CEL: variants seen among roughly 807,000 people sequenced by gnomAD.
The protein encoded by CEL is bile salt-activated lipase.
A neutral mutation model predicts 57.1 loss-of-function variants in CEL; 39 were observed. The ratio of observed to expected loss-of-function variants is 0.68; its 90% CI spans 0.53 to 0.89. CEL has a LOEUF of 0.89. CEL is among the 40% of genes least tolerant of loss of function. CEL has a pLI of 0.00. For synonymous variants in CEL, 314 were observed against 396.6 expected (o/e 0.79, Z 2.48); for missense variants, 698 against 915.0 (o/e 0.76, Z 3.06).
chr9:133,067,109 C>T lies in CEL; in HGVS notation c.799C>T (p.Pro267Ser). ...CCAGGTGGCTGAGAAGGTGGGTTGC[C>T]CTGTGGGTGATGCCGCCAGGATGGC... ...AKKVAEKVGCPVGDAARMAQC... is the reference protein window; with the variant it reads ...AKKVAEKVGCSVGDAARMAQC... The change falls in exon 7 of 11, where the codon CCT becomes TCT. Residue 267 changes from proline to serine, a missense_variant. Physicochemically the swap from Pro to Ser is moderately conservative, Grantham distance 74. Around this residue, in one of 6 missense-constraint regions of CEL, gnomAD observed 327 missense variants for 374.1 expected, o/e 0.87. Transcript: ENST00000372080. 6.2e-7 allele frequency: 1 copy of T among 1,614,148 alleles called. No individual in the cohort carries two copies. Among genetic ancestry groups the T allele is most frequent in the South Asian group, 1.1e-5 (1 of 91,080 alleles).
rs969660912 is a variant in CEL, at chr9:133,066,371, C to T, written c.539-159C>T. Among the ~76,000 whole-genome samples the T allele has an allele frequency of 8.5e-5, 13 of 152,156 alleles. 1 individual carries two copies. The highest frequency in any genetic ancestry group is 2.0e-4 in the Admixed American group (3 of 15,284). ...GACCCACCCCCTCCAGCACCCTACCCGACCCAGCTTCTTAGGGACCCACCA... is the reference window on the plus strand; with the variant it reads ...GACCCACCCCCTCCAGCACCCTACCTGACCCAGCTTCTTAGGGACCCACCA... On this transcript the variant is annotated intron_variant, in intron 4 of 10. Transcript: ENST00000372080. The surrounding 1 kb of genome is among the most constrained non-coding windows in gnomAD (Gnocchi z 4.3).
rs555522239 is a variant in CEL at position 133,066,282 on chromosome 9, G to A, written c.539-248G>A. On this transcript the variant is annotated intron_variant, in intron 4 of 10. Coordinates refer to ENST00000372080, the MANE Select transcript of CEL (RefSeq NM_001807.6). This position sits in a 1 kb window ranked among gnomAD's most constrained non-coding sequence, Gnocchi z 4.3. Reference sequence around the variant, plus strand: ...CTGGGGACCCACCCCATACAGCACCGCACCCGACTCAGCCTCCTGGGGACC... The same window carrying A: ...CTGGGGACCCACCCCATACAGCACCACACCCGACTCAGCCTCCTGGGGACC... 2.7e-5 allele frequency among the ~76,000 whole-genome samples: 4 copies of A among 149,466 alleles called. No individual in the cohort carries two copies. Among genetic ancestry groups the A allele is most frequent in the African/African-American group, 5.0e-5 (2 of 40,298 alleles).
chr9:133,070,930 A>G (rs568431463), intron 10 of CEL, 57 bp from the exon 11 acceptor site: 3 of 1,588,702 alleles, frequency 1.9e-6, no homozygotes, highest in East Asian at 4.5e-5. Flanking sequence ...GGTGGAGAGC[A>G]GGGCTTCAGC....
At position 133,066,512 on chromosome 9, in the gene CEL, C is replaced by G. The variant is rs772396574; in HGVS notation, c.539-18C>G. On this transcript the variant is annotated intron_variant, in intron 4 of 10. Coordinates refer to ENST00000372080, the MANE Select transcript of CEL (RefSeq NM_001807.6). This position sits in a 1 kb window ranked among gnomAD's most constrained non-coding sequence, Gnocchi z 4.3. Reference sequence around the variant, plus strand: ...GGGCCACTGGTCTCTAGCACCCCCTCCCCTGCCCTGCCCCCAGGTAACTAT... The same window carrying G: ...GGGCCACTGGTCTCTAGCACCCCCTGCCCTGCCCTGCCCCCAGGTAACTAT... 1 of 1,613,832 alleles carries G rather than the reference C, an allele frequency of 6.2e-7. No homozygotes were observed.
rs770022400 is a variant in CEL, at chr9:133,066,490, C to A, written c.539-40C>A. The A allele has an allele frequency of 6.2e-7, 1 of 1,613,026 alleles. No individual in the cohort carries two copies. Among genetic ancestry groups the A allele is most frequent in the Non-Finnish European group, 8.5e-7 (1 of 1,179,752 alleles). On this transcript the variant is annotated intron_variant, in intron 4 of 10. Transcript: ENST00000372080. The surrounding 1 kb of genome is among the most constrained non-coding windows in gnomAD (Gnocchi z 4.3). ...TCCCCTCCTGGAGGCCAGGCCTGGG[C>A]CACTGGTCTCTAGCACCCCCTCCCC...
At position 133,066,631 on chromosome 9, in the gene CEL, T is replaced by C; in HGVS notation, c.640T>C (p.Ser214Pro). The C allele has an allele frequency of 6.2e-7, 1 of 1,612,990 alleles. No individual in the cohort carries two copies. The highest frequency in any genetic ancestry group is 8.5e-7 in the Non-Finnish European group (1 of 1,179,826). Residue 214 changes from serine to proline, a missense_variant, in exon 5 of 11, where the codon TCT becomes CCT. Coordinates refer to ENST00000372080, the MANE Select transcript of CEL (RefSeq NM_001807.6). The surrounding 1 kb of genome is among the most constrained non-coding windows in gnomAD (Gnocchi z 4.3). ...DPNNITLFGE[S>P]AGGASVSLQT... Reference sequence around the variant, plus strand: ...CAACAACATCACGCTCTTCGGGGAGTCTGCTGGAGGTGCCAGCGTCTCTCT... The same window carrying C: ...CAACAACATCACGCTCTTCGGGGAGCCTGCTGGAGGTGCCAGCGTCTCTCT...
rs537750823 is a variant in CEL at position 133,071,283 on chromosome 9, C to T, written c.1781C>T (p.Pro594Leu). 1.6e-5 allele frequency: 22 copies of T among 1,391,380 alleles called. No homozygotes were observed. In the African/African-American group the frequency reaches 1.9e-4, roughly 12 times the overall value. The allele number at this position is 1,391,380 out of a possible 1,614,324, so 86.2% of individuals were successfully genotyped here. ...PTGDSGAPPVPPTGDSGAPPV... is the reference protein window; with the variant it reads ...PTGDSGAPPVLPTGDSGAPPV... ...GGTGACTCCGGGGCCCCCCCCGTGC[C>T]GCCCACGGGTGACTCCGGGGCCCCC... The change falls in exon 11 of 11, where the codon CCG becomes CTG. Residue 594 changes from proline to leucine, a missense_variant. Pro to Leu is a moderately conservative substitution (Grantham distance 98). Around this residue, in one of 6 missense-constraint regions of CEL, gnomAD observed 238 missense variants for 213.7 expected, o/e 1.11. Transcript: ENST00000372080.
At chr9:133,068,402 C>A (rs555261401) in intron 7 of CEL, among the ~76,000 whole-genome samples, 1 of 152,224 alleles carries the variant, frequency 6.6e-6, no homozygotes, top group African/African-American at 2.4e-5. Context: ...TGACTCTCAG[C>A]CTGGGGACGT....
At chr9:133,068,905 G>T in intron 8 of CEL, 47 bp downstream of exon 8, 1 of 964,976 alleles carries the variant, frequency 1.0e-6, no homozygotes, top group South Asian at 1.6e-5. Context: ...CGGGAGGGCC[G>T]CCGGGAAAGC....
intron 7 of CEL, 147 bp from the exon 8 acceptor site, chr9:133,068,525 C>T (rs1051652114): frequency 6.5e-6 from 5 of 768,432 alleles, no homozygotes; most frequent in Admixed American, 2.5e-5. Context: ...ACAGGATGCC[C>T]CTGATGGTGC....
intron 7 of CEL, among the ~76,000 whole-genome samples, chr9:133,067,427 G>T (rs934265817): frequency 6.6e-6 from 1 of 152,058 alleles, no homozygotes; most frequent in Admixed American, 6.5e-5. Flanking sequence ...AGGCTGGAGT[G>T]CAGTGTCACG....
At position 133,064,506 on chromosome 9, in the gene CEL, G is replaced by C. The variant is rs1317329405; in HGVS notation, c.169G>C (p.Ala57Pro). Residue 57 changes from alanine (A) to proline (P), a missense_variant, in exon 2 of 11, where the codon GCT (alanine) becomes CCT (proline). Ala to Pro is a conservative substitution (Grantham distance 27). Coordinates refer to ENST00000372080, the MANE Select transcript of CEL (RefSeq NM_001807.6). Reference sequence around the variant, plus strand: ...CATCTTCAAGGGCATCCCCTTCGCAGCTCCCACCAAGGCCCTGGAAAATCC... The same window carrying C: ...CATCTTCAAGGGCATCCCCTTCGCACCTCCCACCAAGGCCCTGGAAAATCC... ...VDIFKGIPFA[A>P]PTKALENPQP... The C allele has an allele frequency of 6.2e-7, 1 of 1,614,180 alleles. No individual in the cohort carries two copies. Among genetic ancestry groups the C allele is most frequent in the Non-Finnish European group, 8.5e-7 (1 of 1,180,018 alleles).
Position 133,064,430 on chromosome 9 carries a change from G to T in CEL, c.93G>T (p.Gly31=), listed in dbSNP as rs776712360. ...AKLGAVYTEG[G]FVEGVNKKLG... Reference sequence around the variant, plus strand: ...TGGGCGCCGTGTACACAGAAGGTGGGTTCGTGGAAGGCGTCAATAAGAAGC... The same window carrying T: ...TGGGCGCCGTGTACACAGAAGGTGGTTTCGTGGAAGGCGTCAATAAGAAGC... The change falls in exon 2 of 11, where the codon GGG becomes GGT. Residue 31 remains glycine, a synonymous_variant. Coordinates refer to ENST00000372080, the MANE Select transcript of CEL (RefSeq NM_001807.6). The T allele has an allele frequency of 2.5e-6, 4 of 1,614,130 alleles. No homozygotes were observed. The highest frequency in any genetic ancestry group is 2.5e-6 in the Non-Finnish European group (3 of 1,180,016).
intron 1 of CEL, 45 bp from the exon 2 acceptor site, chr9:133,064,359 G>A (rs769151749): frequency 4.3e-6 from 7 of 1,610,574 alleles, no homozygotes; most frequent in South Asian, 2.2e-5. Context: ...GATTCAGGCC[G>A]ATGGGGCTTG....
rs918179412 is a variant in CEL at position 133,066,194 on chromosome 9, TGG to T, written c.539-334_539-333del. ...CTGGGGCAGGGGCAGGAGAGGTGCA[TGG>T]GCCTGACCATCCTGCCCCCGACAAA... On this transcript the variant is annotated intron_variant, in intron 4 of 10. Transcript: ENST00000372080. The surrounding 1 kb of genome is among the most constrained non-coding windows in gnomAD (Gnocchi z 4.3). 3.3e-5 allele frequency among the ~76,000 whole-genome samples: 5 copies of T among 151,998 alleles called. No homozygotes were observed. The highest frequency in any genetic ancestry group is 9.7e-5 in the African/African-American group (4 of 41,356).
At position 133,065,225 on chromosome 9, in the gene CEL, G is replaced by C; in HGVS notation, c.526G>C (p.Ala176Pro). ...CCTTGGGTTCCTCAGCACTGGGGAC[G>C]CCAATCTGCCAGGTGCGTGGGTGCC... ...GPLGFLSTGD[A>P]NLPGNYGLRD... The change falls in exon 4 of 11, where the codon GCC (alanine) becomes CCC (proline). Residue 176 changes from alanine (A) to proline (P), a missense_variant. Coordinates refer to ENST00000372080, the MANE Select transcript of CEL (RefSeq NM_001807.6). 1.2e-6 allele frequency: 2 copies of C among 1,613,066 alleles called. No individual in the cohort carries two copies. Among genetic ancestry groups the C allele is most frequent in the Non-Finnish European group, 1.7e-6 (2 of 1,180,002 alleles).
Position 133,071,738 on chromosome 9 carries a change from C to T in CEL, c.2236C>T (p.Gln746Ter). 1.9e-6 allele frequency: 3 copies of T among 1,612,454 alleles called. No individual in the cohort carries two copies. Among genetic ancestry groups the T allele is most frequent in the Non-Finnish European group, 2.5e-6 (3 of 1,179,502 alleles). ...CCCCACAGATGACTCCAAGGAAGCT[C>T]AGATGCCTGCAGTCATTAGGTTTTA... is the stretch of plus-strand genomic sequence containing the variant. ...VPPTDDSKEA[Q>*]MPAVIRF Residue 746 changes from glutamine (Q) to a stop codon, truncating the protein, a stop_gained, in exon 11 of 11, where the codon CAG (glutamine) becomes TAG (stop). Transcript: ENST00000372080. LOFTEE classifies it high-confidence loss of function.
rs778607687 is a variant in CEL, at chr9:133,071,706, CT to C, written c.2205del (p.Val736CysfsTer22). The C allele has an allele frequency of 1.5e-5, 24 of 1,611,022 alleles. No homozygotes were observed. The East Asian group carries it at 4.9e-4, about 33-fold the overall frequency. ...CCCACGGGTGACTCTGAGGCTGCCC[CT>C]GTGCCCCCCACAGATGACTCCAAGG... ...VPPTGDSEAA[P>X]VPPTDDSKEA... On this transcript the variant is annotated frameshift_variant, in exon 11 of 11. Coordinates refer to ENST00000372080, the MANE Select transcript of CEL (RefSeq NM_001807.6). LOFTEE classifies it high-confidence loss of function.
rs1830179235 is a variant in CEL at position 133,066,446 on chromosome 9, C to T, written c.539-84C>T. ...GCCCCAACTCTGTTGAGGGCATTTCCACCCCACCTATGCTGATCTCCCCTC... is the reference window on the plus strand; with the variant it reads ...GCCCCAACTCTGTTGAGGGCATTTCTACCCCACCTATGCTGATCTCCCCTC... On this transcript the variant is annotated intron_variant, in intron 4 of 10. Transcript: ENST00000372080. This position sits in a 1 kb window ranked among gnomAD's most constrained non-coding sequence, Gnocchi z 4.3. 8.3e-6 allele frequency: 13 copies of T among 1,569,304 alleles called. 1 individual carries two copies. In the South Asian group the frequency reaches 1.2e-4, roughly 15 times the overall value.
Sources: allele counts gnomAD v4.1 joint callset (sites outside exome capture counted in the v4.1 genomes callset), GRCh38; gene constraint gnomAD v4.1.1; regional missense constraint gnomAD v4.1.1; non-coding constraint Gnocchi (gnomAD v3.1); transcripts MANE v1.5; gene names NCBI Gene and HGNC (gene_info 2026-07-23, HGNC 2026-07-21).